Variants in PTPRD observed in about 807,000 individuals in gnomAD.
The protein encoded by PTPRD is receptor-type tyrosine-protein phosphatase delta.
Under a neutral mutation model 214.5 loss-of-function variants are expected in PTPRD, and 34 were observed. The observed-to-expected ratio is 0.16, with a 90% CI of 0.12 to 0.21. The LOEUF (loss-of-function observed/expected upper bound fraction) is 0.21. PTPRD is among the 10% of genes least tolerant of loss of function. The pLI is 1.00. For synonymous variants in PTPRD, 1,128 were observed against 845.7 expected (o/e 1.33, Z -5.79); for missense variants, 2,545 against 2,398.7 (o/e 1.06, Z -1.27).
chr9:8,356,848 T>G (rs1449331901), intron 39 of PTPRD, among the ~76,000 whole-genome samples: 2 of 152,164 alleles, frequency 1.3e-5, no homozygotes, highest in African/African-American at 4.8e-5. Context: ...TCTGATCAAG[T>G]AATGTATCCA....
At chr9:9,548,680 C>T (rs571669550) in intron 8 of PTPRD, among the ~76,000 whole-genome samples, 16 of 152,028 alleles carry the variant, frequency 1.1e-4, no homozygotes, top group African/African-American at 3.1e-4. Context: ...TGATAAAAAA[C>T]GATGTATTAT....
chr9:10,379,590 T>C (rs1156307211), intron 2 of PTPRD, among the ~76,000 whole-genome samples: 1 of 152,092 alleles, frequency 6.6e-6, no homozygotes, highest in Admixed American at 6.6e-5. Flanking sequence ...GAAATTCTAC[T>C]GTAAGTATTT....
At chr9:9,519,921 G>A (rs578221859) in intron 8 of PTPRD, among the ~76,000 whole-genome samples, 105 of 152,030 alleles carry the variant, frequency 6.9e-4, no homozygotes, top group Non-Finnish European at 1.2e-3. Flanking sequence ...ATCTTATAAA[G>A]TTACTGTCAT....
intron 8 of PTPRD, among the ~76,000 whole-genome samples, chr9:9,487,264 A>G (rs973877537): frequency 6.6e-6 from 1 of 151,346 alleles, no homozygotes; most frequent in South Asian, 2.1e-4. Context: ...CCTGTGTCCA[A>G]GTGTTCTCAT....
intron 2 of PTPRD, among the ~76,000 whole-genome samples, chr9:10,552,469 G>C (rs180807596): frequency 8.6e-5 from 13 of 151,908 alleles, no homozygotes; most frequent in African/African-American, 3.1e-4. Flanking sequence ...TCATTCTTCT[G>C]TCTTTTTTTT....
intron 9 of PTPRD, among the ~76,000 whole-genome samples, chr9:9,316,239 T>C (rs1962992108): frequency 6.6e-6 from 1 of 151,924 alleles, no homozygotes; most frequent in Admixed American, 6.6e-5. Flanking sequence ...TCTCCTCCTC[T>C]CTCTCTCCCC....
chr9:10,051,544 C>T lies in PTPRD; in HGVS notation c.-544-17754G>A, dbSNP rs768522498. Among the ~76,000 whole-genome samples the T allele has an allele frequency of 9.9e-4, 150 of 152,052 alleles. 1 individual carries two copies. The highest frequency in any genetic ancestry group is 2.4e-4 in the Non-Finnish European group (16 of 67,986). On this transcript the variant is annotated intron_variant, in intron 3 of 45. Coordinates refer to ENST00000381196, the MANE Select transcript of PTPRD (RefSeq NM_002839.4). ...ATACGTGTGCCATGTTGGTGTGCTG[C>T]ACCCATTAACTCGTCATTTAGCATT...
At chr9:9,638,846 C>A (rs1168972775) in intron 7 of PTPRD, among the ~76,000 whole-genome samples, 1 of 152,060 alleles carries the variant, frequency 6.6e-6, no homozygotes, top group Admixed American at 6.6e-5. Flanking sequence ...GTCCTGGCTT[C>A]CGAGATGTTG....
intron 8 of PTPRD, among the ~76,000 whole-genome samples, chr9:9,502,243 T>A (rs1392007044): frequency 2.0e-5 from 3 of 151,878 alleles, no homozygotes; most frequent in Non-Finnish European, 4.4e-5. Context: ...TAACTGAAAC[T>A]TTTTACCCTT....
At chr9:8,403,566 T>C (rs1217201897) in intron 36 of PTPRD, among the ~76,000 whole-genome samples, 8 of 152,190 alleles carry the variant, frequency 5.3e-5, no homozygotes, top group Non-Finnish European at 1.2e-4. Context: ...TTCTAGTTGT[T>C]TTAATATGCC....
chr9:10,076,619 G>A (rs1476322227), intron 3 of PTPRD, among the ~76,000 whole-genome samples: 1 of 152,002 alleles, frequency 6.6e-6, no homozygotes, highest in Admixed American at 6.6e-5. Context: ...CTCCTCTCAC[G>A]GGCTGTCATA....
intron 10 of PTPRD, among the ~76,000 whole-genome samples, chr9:9,045,514 C>A (rs1031963428): frequency 6.6e-6 from 1 of 152,068 alleles, no homozygotes. Flanking sequence ...GCTATTTCAC[C>A]CAAACTTCAA....
At chr9:9,043,556 A>C (rs1285499038) in intron 10 of PTPRD, among the ~76,000 whole-genome samples, 1 of 152,188 alleles carries the variant, frequency 6.6e-6, no homozygotes, top group East Asian at 1.9e-4. Flanking sequence ...TCTATCTTTA[A>C]AAGAAAAATG....
chr9:8,791,550 C>CA (rs2096238278), intron 11 of PTPRD, among the ~76,000 whole-genome samples: 1 of 113,672 alleles, frequency 8.8e-6, no homozygotes, highest in Non-Finnish European at 1.7e-5. Flanking sequence ...TTTTTTGAGA[C>CA]AGAGTCCTGC....
At chr9:9,929,469 C>T (rs1005256755) in intron 5 of PTPRD, among the ~76,000 whole-genome samples, 20 of 152,194 alleles carry the variant, frequency 1.3e-4, no homozygotes, top group Non-Finnish European at 2.8e-4. Context: ...TCTTGTCTCA[C>T]TGCAACCTCT....
intron 7 of PTPRD, among the ~76,000 whole-genome samples, chr9:9,685,191 G>A (rs1008044811): frequency 1.3e-5 from 2 of 151,016 alleles, no homozygotes; most frequent in African/African-American, 4.8e-5. Context: ...AAAAATAAAA[G>A]TTTCTGGCTC....
At chr9:9,071,445 G>C (rs1406727472) in intron 10 of PTPRD, among the ~76,000 whole-genome samples, 2 of 152,158 alleles carry the variant, frequency 1.3e-5, no homozygotes, top group Non-Finnish European at 2.9e-5. Context: ...TCTGAAGTTA[G>C]AGATTTTACA....
chr9:10,275,942 G>A (rs1470754881), intron 3 of PTPRD, among the ~76,000 whole-genome samples: 1 of 152,154 alleles, frequency 6.6e-6, no homozygotes, highest in Non-Finnish European at 1.5e-5. Flanking sequence ...AATTCTGAAT[G>A]AGTGACTCAT....
rs2130700970 is a variant in PTPRD, at chr9:8,319,850, G to A, written c.5651C>T (p.Pro1884Leu). 1.2e-6 allele frequency: 2 copies of A among 1,612,916 alleles called. No homozygotes were observed. The highest frequency in any genetic ancestry group is 1.7e-6 in the Non-Finnish European group (2 of 1,179,336). ...QTVKMLRTQRPAMVQTEDQYQ... is the reference protein window; with the variant it reads ...QTVKMLRTQRLAMVQTEDQYQ... ...TCTCACCTCTGTCTGTACCATAGCT[G>A]GTCGTTGTGTTCTTAACATTTTGAC... The change falls in exon 45 of 46, where the codon CCA (proline) becomes CTA (leucine). Residue 1884 changes from proline (P) to leucine (L), a missense_variant. Pro to Leu is a moderately conservative substitution (Grantham distance 98, BLOSUM62 -3). Transcript: ENST00000381196.
Sources: allele counts gnomAD v4.1 joint callset (sites outside exome capture counted in the v4.1 genomes callset), GRCh38; gene constraint gnomAD v4.1.1; transcripts MANE v1.5; gene names NCBI Gene and HGNC (gene_info 2026-07-23, HGNC 2026-07-21).